Variants in PNPLA3 observed in about 807,000 individuals in gnomAD.
PNPLA3 encodes 1-acylglycerol-3-phosphate O-acyltransferase PNPLA3.
In PNPLA3, 42 loss-of-function variants were observed where a neutral mutation model predicts 43.1. That is an observed-to-expected ratio of 0.97 (90% confidence interval 0.76 to 1.26). PNPLA3 has a LOEUF of 1.26. Among genes scored for constraint, PNPLA3 ranks in the 50% most tolerant of loss-of-function variants. The pLI is 0.00. For synonymous variants in PNPLA3, 272 were observed against 253.6 expected (o/e 1.07, Z -0.69); for missense variants, 647 against 621.4 (o/e 1.04, Z -0.44).
rs2146774499 is a variant in PNPLA3, at chr22:43,927,169, T to A, written c.420+2T>A. On this transcript the variant is annotated splice_donor_variant, in intron 2 of 8. Coordinates refer to ENST00000216180, the MANE Select transcript of PNPLA3 (RefSeq NM_025225.3). LOFTEE classifies it high-confidence loss of function. ...CGGTCCAAAGACGAAGTCGTGGATGTAAGCAGTTTGCTTATCTGGACGTTG... is the reference window on the plus strand; with the variant it reads ...CGGTCCAAAGACGAAGTCGTGGATGAAAGCAGTTTGCTTATCTGGACGTTG... 1 of 1,613,364 alleles carries A rather than the reference T, an allele frequency of 6.2e-7. No individual in the cohort carries two copies. The highest frequency in any genetic ancestry group is 1.1e-5 in the South Asian group (1 of 91,032).
At position 43,937,160 on chromosome 22, in the gene PNPLA3, G is replaced by C. The variant is rs139896256; in HGVS notation, c.867G>C (p.Ser289=). 6.2e-7 allele frequency: 1 copy of C among 1,614,040 alleles called. No individual in the cohort carries two copies. Among genetic ancestry groups the C allele is most frequent in the Admixed American group, 1.7e-5 (1 of 60,002 alleles). ...ANMSLDSSPE[S]AALAVRLEGD... ...TGAGTCTGGATTCTTCCCCGGAGTC[G>C]GCTGCCTTGGCTGTGAGGCTGGAGG... Residue 289 remains serine (S), a synonymous_variant, in exon 6 of 9, where the codon TCG becomes TCC. Coordinates refer to ENST00000216180, the MANE Select transcript of PNPLA3 (RefSeq NM_025225.3).
At chr22:43,937,023 A>T in intron 5 of PNPLA3, 28 bp from the exon 6 acceptor site, 3 of 1,595,116 alleles carry the variant, frequency 1.9e-6, no homozygotes, top group Non-Finnish European at 2.6e-6. Context: ...CGTTCGCCTG[A>T]TGGGCTTGTT....
At chr22:43,933,112 T>A in intron 4 of PNPLA3, 25 bp downstream of exon 4, 1 of 1,598,912 alleles carries the variant, frequency 6.3e-7, no homozygotes, top group Non-Finnish European at 8.6e-7. Flanking sequence ...AGGGGGCAGG[T>A]GTTCTGGGGT....
chr22:43,935,476 G>T (rs1336046285), intron 5 of PNPLA3, among the ~76,000 whole-genome samples: 1 of 152,144 alleles, frequency 6.6e-6, no homozygotes, highest in Non-Finnish European at 1.5e-5. Context: ...GTGTCAAGGA[G>T]AAGACACAGG....
intron 6 of PNPLA3, 26 bp from the exon 7 acceptor site, chr22:43,939,967 T>C (rs750778191): frequency 6.2e-7 from 1 of 1,614,106 alleles, no homozygotes. Flanking sequence ...TGGTGGGAGA[T>C]AATAGCTCCA....
At chr22:43,935,648 G>T (rs1171688167) in intron 5 of PNPLA3, among the ~76,000 whole-genome samples, 1 of 151,910 alleles carries the variant, frequency 6.6e-6, no homozygotes, top group Non-Finnish European at 1.5e-5. Context: ...TGGCATGAAG[G>T]CCTGTGCAAC....
intron 3 of PNPLA3, among the ~76,000 whole-genome samples, chr22:43,932,457 A>C (rs2049967681): frequency 6.6e-6 from 1 of 152,102 alleles, no homozygotes; most frequent in Non-Finnish European, 1.5e-5. Context: ...TGAATCCATG[A>C]CCATGTTTCT....
At chr22:43,927,571 C>T (rs1221943553) in intron 2 of PNPLA3, among the ~76,000 whole-genome samples, 1 of 150,328 alleles carries the variant, frequency 6.7e-6, no homozygotes, top group Non-Finnish European at 1.5e-5. Context: ...GTGACATAAA[C>T]TCTGTACACC....
intron 3 of PNPLA3, among the ~76,000 whole-genome samples, chr22:43,932,337 T>C (rs1250609032): frequency 6.6e-6 from 1 of 152,148 alleles, no homozygotes; most frequent in Non-Finnish European, 1.5e-5. Flanking sequence ...CAAAAGTCCC[T>C]CCAGGTGTTG....
At chr22:43,934,016 G>A (rs551051407) in intron 4 of PNPLA3, among the ~76,000 whole-genome samples, 1 of 152,072 alleles carries the variant, frequency 6.6e-6, no homozygotes, top group East Asian at 1.9e-4. Flanking sequence ...GACCAAGGGA[G>A]CCCAAAGAAA....
intron 7 of PNPLA3, among the ~76,000 whole-genome samples, chr22:43,942,254 T>C (rs3810622): frequency 0.4 from 60,963 of 152,030 alleles, 12,428 homozygotes; most frequent in South Asian, 0.52. Context: ...CTGGAGCCAC[T>C]GTGCCATGCA....
chr22:43,944,073 A>G (rs747487784), intron 7 of PNPLA3, among the ~76,000 whole-genome samples: 1 of 152,098 alleles, frequency 6.6e-6, no homozygotes, highest in East Asian at 1.9e-4. Flanking sequence ...GGTGTGAGCC[A>G]CCACACCTGG....
At chr22:43,945,314 A>C (rs2050056084) in intron 8 of PNPLA3, among the ~76,000 whole-genome samples, 1 of 152,186 alleles carries the variant, frequency 6.6e-6, no homozygotes, top group East Asian at 1.9e-4. Context: ...GGTGAAGCCT[A>C]GCAGTCTGCG....
chr22:43,925,752 A>C (rs929069269), intron 1 of PNPLA3, among the ~76,000 whole-genome samples: 1 of 152,210 alleles, frequency 6.6e-6, no homozygotes, highest in East Asian at 1.9e-4. Flanking sequence ...GATCATTTGC[A>C]CACCCTGGGG....
At chr22:43,939,134 C>G (rs1434626388) in intron 6 of PNPLA3, among the ~76,000 whole-genome samples, 2 of 152,110 alleles carry the variant, frequency 1.3e-5, no homozygotes, top group Non-Finnish European at 2.9e-5. Flanking sequence ...CCATGTTGGC[C>G]AGGCTGGTCT....
intron 3 of PNPLA3, among the ~76,000 whole-genome samples, chr22:43,932,366 TG>T (rs142979106): frequency 6.6e-6 from 1 of 152,156 alleles, no homozygotes; most frequent in Admixed American, 6.5e-5. Flanking sequence ...TGTCAAAGCA[TG>T]GGGGGAGATG....
chr22:43,932,195 A>T (rs9306471), intron 3 of PNPLA3, among the ~76,000 whole-genome samples: 1 of 152,144 alleles, frequency 6.6e-6, no homozygotes, highest in East Asian at 1.9e-4. Context: ...CAGCCGAGCT[A>T]TGGGCAATAA....
rs993091240 is a variant in PNPLA3 at position 43,947,062 on chromosome 22, A to T, written c.*680A>T. 1.4e-5 allele frequency: 1 copy of T among 69,876 alleles called. No individual in the cohort carries two copies. The highest frequency in any genetic ancestry group is 2.9e-5 in the Non-Finnish European group (1 of 34,324). The allele number at this position is 69,876 out of a possible 1,614,324, so 4.3% of individuals were successfully genotyped here. A position where few individuals can be genotyped will look rare whatever the true frequency, so the allele number is the denominator to read the frequency against. ...GTGAGATGTTAGTAGAATAAGCCTTAAAAAAAAAAAAATCGGTTGGGTGCA... is the reference window on the plus strand; with the variant it reads ...GTGAGATGTTAGTAGAATAAGCCTTTAAAAAAAAAAAATCGGTTGGGTGCA... On this transcript the variant is annotated 3_prime_UTR_variant, in exon 9 of 9. Coordinates refer to ENST00000216180, the MANE Select transcript of PNPLA3 (RefSeq NM_025225.3).
At chr22:43,937,026 G>C (rs760732647) in intron 5 of PNPLA3, 25 bp from the exon 6 acceptor site, 4 of 1,599,130 alleles carry the variant, frequency 2.5e-6, no homozygotes, top group Non-Finnish European at 3.4e-6. Context: ...TCGCCTGATG[G>C]GCTTGTTTTC....
Sources: allele counts gnomAD v4.1 joint callset (sites outside exome capture counted in the v4.1 genomes callset), GRCh38; gene constraint gnomAD v4.1.1; transcripts MANE v1.5; gene names NCBI Gene and HGNC (gene_info 2026-07-23, HGNC 2026-07-21).